Variants in USP13 observed in about 807,000 individuals in gnomAD.
USP13 encodes the protein ubiquitin specific peptidase 13.
A neutral mutation model predicts 107.8 loss-of-function variants in USP13; 68 were observed. The observed-to-expected ratio is 0.63, with a 90% CI of 0.52 to 0.77. USP13 has a LOEUF of 0.77. Ranked by LOEUF, USP13 falls within the 30% of genes least tolerant of loss-of-function variation. The pLI, the probability that USP13 is intolerant of heterozygous loss-of-function variation, is 0.00. For synonymous variants in USP13, 377 were observed against 389.5 expected (o/e 0.97, Z 0.38); for missense variants, 945 against 1,093.3 (o/e 0.86, Z 1.91).
chr3:179,660,377 G>C (rs1720423117), intron 1 of USP13, among the ~76,000 whole-genome samples: 1 of 152,190 alleles, frequency 6.6e-6, no homozygotes, highest in South Asian at 2.1e-4. Context: ...GAATCACACA[G>C]TATTTGTCCT....
At chr3:179,756,896 T>C (rs1346672766) in intron 15 of USP13, among the ~76,000 whole-genome samples, 156 bp from the exon 16 acceptor site, 1 of 152,156 alleles carries the variant, frequency 6.6e-6, no homozygotes, top group Non-Finnish European at 1.5e-5. Flanking sequence ...TTACTGAGGC[T>C]GGGGTGGTCT....
chr3:179,682,448 ACTTTTTCTG>A (rs1711696359), intron 2 of USP13, among the ~76,000 whole-genome samples: 1 of 152,134 alleles, frequency 6.6e-6, no homozygotes, highest in Admixed American at 6.6e-5. Context: ...ACTGCTTTGA[ACTTTTTCTG>A]TGTCATGCAT....
intron 10 of USP13, 140 bp from the exon 11 acceptor site, chr3:179,740,107 C>A: frequency 8.3e-7 from 1 of 1,197,932 alleles, no homozygotes; most frequent in Non-Finnish European, 1.2e-6. Context: ...GAGTATTGGC[C>A]ACTATCATTA....
At chr3:179,749,589 A>G (rs371128418) in intron 13 of USP13, among the ~76,000 whole-genome samples, 1 of 152,198 alleles carries the variant, frequency 6.6e-6, no homozygotes, top group Admixed American at 6.5e-5. Context: ...CAGTTACTAC[A>G]TGTGAGCGAT....
chr3:179,707,217 A>G lies in USP13; in HGVS notation c.620+141A>G, dbSNP rs1400394145. The G allele has an allele frequency of 5.1e-6, 6 of 1,182,828 alleles. No homozygotes were observed. The African/African-American group carries it at 6.2e-5, about 12-fold the overall frequency. 73.3% of individuals were successfully genotyped at this position (1,182,828 alleles called of 1,614,324 possible). ...TTAAAAGTAAATATAAAACTTCTCT[A>G]AAATTGTCTGTAGCTTTGTAGTAGA... On this transcript the variant is annotated intron_variant, in intron 5 of 20. Coordinates refer to ENST00000263966, the MANE Select transcript of USP13 (RefSeq NM_003940.3).
In USP13 at chr3:179,789,056, G is replaced by T. The variant is rs1436220647; in HGVS notation, c.*4915G>T. 6.6e-6 allele frequency: 1 copy of T among 152,234 alleles called. No individual in the cohort carries two copies. Among genetic ancestry groups the T allele is most frequent in the Non-Finnish European group, 1.5e-5 (1 of 68,054 alleles). The allele number at this position is 152,234 out of a possible 1,614,324, so 9.4% of individuals were successfully genotyped here. On this transcript the variant is annotated 3_prime_UTR_variant, in exon 21 of 21. Coordinates refer to ENST00000263966, the MANE Select transcript of USP13 (RefSeq NM_003940.3). ...CCAAGGATATTAGCCACTTGAGGGT[G>T]TTGGGCATATTTGTTTCATTGTAGG...
intron 1 of USP13, among the ~76,000 whole-genome samples, chr3:179,655,417 G>A (rs1011211006): frequency 6.6e-5 from 10 of 152,072 alleles, no homozygotes; most frequent in Non-Finnish European, 1.3e-4. Context: ...TCATATCACA[G>A]CAGTTCCTTA....
chr3:179,758,017 G>T (rs1714864517), intron 16 of USP13, among the ~76,000 whole-genome samples: 1 of 152,112 alleles, frequency 6.6e-6, no homozygotes, highest in African/African-American at 2.4e-5. Flanking sequence ...TCTTTCAACG[G>T]TCTACAACTC....
chr3:179,745,271 G>A, intron 13 of USP13, 54 bp downstream of exon 13: 1 of 1,556,874 alleles, frequency 6.4e-7, no homozygotes, highest in Non-Finnish European at 8.8e-7. Flanking sequence ...TTGAGGGGTG[G>A]GGACAGGGGT....
intron 5 of USP13, among the ~76,000 whole-genome samples, chr3:179,707,761 G>A (rs1173471197): frequency 6.6e-6 from 1 of 152,170 alleles, no homozygotes; most frequent in Admixed American, 6.5e-5. Context: ...GTTTACAGAG[G>A]CAGGTGTTGG....
intron 2 of USP13, among the ~76,000 whole-genome samples, chr3:179,682,429 G>A (rs1461853216): frequency 6.6e-6 from 1 of 152,082 alleles, no homozygotes; most frequent in Non-Finnish European, 1.5e-5. Flanking sequence ...TCCCTCGCCA[G>A]AAGTAACCAC....
At position 179,784,041 on chromosome 3, in the gene USP13, T is replaced by C. The variant is rs1715839042; in HGVS notation, c.2499-7T>C. On this transcript the variant is annotated splice_polypyrimidine_tract_variant and splice_region_variant and intron_variant, in intron 20 of 20. Transcript: ENST00000263966. ...AAATCCATCAAATGCTTCTGTCTTATTTTCAGATGGGTGATTTACAATGAC... is the reference window on the plus strand; with the variant it reads ...AAATCCATCAAATGCTTCTGTCTTACTTTCAGATGGGTGATTTACAATGAC... The C allele has an allele frequency of 6.2e-7, 1 of 1,606,278 alleles. No homozygotes were observed. The highest frequency in any genetic ancestry group is 2.2e-5 in the East Asian group (1 of 44,846).
chr3:179,669,419 A>G (rs1373828360), intron 1 of USP13, among the ~76,000 whole-genome samples: 1 of 152,050 alleles, frequency 6.6e-6, no homozygotes, highest in Non-Finnish European at 1.5e-5. Context: ...AGATTGCGCC[A>G]CTGGACTCCA....
At chr3:179,713,036 T>A (rs1188345709) in intron 6 of USP13, among the ~76,000 whole-genome samples, 1 of 152,220 alleles carries the variant, frequency 6.6e-6, no homozygotes, top group African/African-American at 2.4e-5. Context: ...TTTTAAGAAC[T>A]CTTTGATTAT....
Position 179,708,898 on chromosome 3 carries a change from A to G in USP13, c.746A>G (p.Tyr249Cys). The part of the protein sequence containing the change: ...SGGNGHALEH[Y>C]RDMGYPLAVK... ...GGCAACGGGCATGCGCTGGAGCATT[A>G]CAGAGACATGGGCTACCCACTAGCC... is the stretch of plus-strand genomic sequence containing the variant. The change falls in exon 6 of 21, where the codon TAC (tyrosine) becomes TGC (cysteine). Residue 249 changes from tyrosine (Y) to cysteine (C), a missense_variant. Physicochemically the swap from Tyr to Cys is radical, Grantham distance 194 (BLOSUM62 -2). Coordinates refer to ENST00000263966, the MANE Select transcript of USP13 (RefSeq NM_003940.3). 1 of 1,614,134 alleles carries G rather than the reference A, an allele frequency of 6.2e-7. No individual in the cohort carries two copies. The highest frequency in any genetic ancestry group is 8.5e-7 in the Non-Finnish European group (1 of 1,180,030).
chr3:179,725,984 A>G (rs867853990), intron 8 of USP13, among the ~76,000 whole-genome samples: 1 of 152,244 alleles, frequency 6.6e-6, no homozygotes, highest in Non-Finnish European at 1.5e-5. Context: ...TATGGGAGCT[A>G]CAATTCAAGA....
In USP13 at chr3:179,701,025, G is replaced by A. The variant is rs769332924; in HGVS notation, c.373G>A (p.Asp125Asn). The change falls in exon 4 of 21, where the codon GAT becomes AAT. Residue 125 changes from aspartate to asparagine, a missense_variant. Transcript: ENST00000263966. ...KIFLDLDTDD[D>N]LNSDDYEYED... Reference sequence around the variant, plus strand: ...CTCCTCAGATCTAGATACTGATGACGATTTAAATAGCGACGATTATGAATA... The same window carrying A: ...CTCCTCAGATCTAGATACTGATGACAATTTAAATAGCGACGATTATGAATA... 5 of 1,613,476 alleles carry A rather than the reference G, an allele frequency of 3.1e-6. No individual in the cohort carries two copies. The highest frequency in any genetic ancestry group is 2.2e-5 in the East Asian group (1 of 44,876).
intron 11 of USP13, among the ~76,000 whole-genome samples, chr3:179,740,979 C>T (rs149922667): frequency 0.011 from 1,647 of 152,050 alleles, 18 homozygotes; most frequent in South Asian, 0.029. Flanking sequence ...GTTGGTCAGG[C>T]TGGTTTTGAA....
chr3:179,724,460 G>GA (rs10671346), intron 8 of USP13, among the ~76,000 whole-genome samples: 30,541 of 84,988 alleles, frequency 0.36, 3,964 homozygotes, highest in Admixed American at 0.42. Flanking sequence ...TCTGTCTCAA[G>GA]AAAAAAAAAA....
Sources: gnomAD v4.1 joint callset for allele counts (sites outside exome capture counted in the v4.1 genomes callset) on GRCh38, gnomAD v4.1.1 for gene constraint, MANE v1.5 for transcripts, NCBI Gene and HGNC (gene_info 2026-07-23, HGNC 2026-07-21) for gene names.